The following ADNP2 variants were observed in gnomAD, a reference collection of about 807,000 sequenced individuals.
ADNP2 encodes the protein activity-dependent neuroprotector homeobox protein 2.
A neutral mutation model predicts 16.4 loss-of-function variants in ADNP2; 8 were observed. That is an observed-to-expected ratio of 0.49 (90% CI 0.29 to 0.88). The LOEUF (loss-of-function observed/expected upper bound fraction) is 0.88, where lower values mean the gene tolerates loss of function less well. Ranked by LOEUF, ADNP2 falls within the 40% of genes least tolerant of loss-of-function variation. ADNP2 has a pLI of 0.09. For missense variants in ADNP2, 1,397 were observed against 1,395.1 expected (o/e 1.00, Z -0.02); for synonymous variants, 637 against 545.8 (o/e 1.17, Z -2.33).
Position 80,137,546 on chromosome 18 carries a change from C to T in ADNP2, c.2133C>T (p.His711=), listed in dbSNP as rs771919011. The T allele has an allele frequency of 1.7e-5, 28 of 1,614,130 alleles. No individual in the cohort carries two copies. Among genetic ancestry groups the T allele is most frequent in the Admixed American group, 3.3e-5 (2 of 60,004 alleles). Residue 711 remains histidine (H), a synonymous_variant, in exon 4 of 4, where the codon CAC becomes CAT. Transcript: ENST00000262198. The surrounding 1 kb of genome is among the most constrained non-coding windows in gnomAD (Gnocchi z 4.2). The part of the protein sequence containing the change: ...ELFPSNVYQV[H]MEVAHKHSES... Reference sequence around the variant, plus strand: ...TTCCGTCCAACGTCTACCAGGTCCACATGGAGGTAGCGCATAAGCACAGCG... The same window carrying T: ...TTCCGTCCAACGTCTACCAGGTCCATATGGAGGTAGCGCATAAGCACAGCG...
intron 2 of ADNP2, among the ~76,000 whole-genome samples, chr18:80,131,881 G>A (rs182517868): frequency 6.6e-6 from 1 of 152,158 alleles, no homozygotes; most frequent in East Asian, 1.9e-4. Context: ...GATAGCATTA[G>A]GAGAAATACC....
intron 1 of ADNP2, 134 bp downstream of exon 1, chr18:80,109,606 C>G (rs2052343554): frequency 6.7e-6 from 1 of 149,078 alleles, no homozygotes; most frequent in Non-Finnish European, 1.5e-5. Flanking sequence ...CGCCGCCTGC[C>G]CTCGCGCCGC....
chr18:80,131,799 T>C (rs1481167700), intron 2 of ADNP2, among the ~76,000 whole-genome samples: 1 of 138,750 alleles, frequency 7.2e-6, no homozygotes, highest in African/African-American at 2.8e-5. Context: ...AATTGAACAG[T>C]GAGAACACTT....
chr18:80,128,863 A>G (rs1370453413), intron 2 of ADNP2, among the ~76,000 whole-genome samples: 1 of 152,144 alleles, frequency 6.6e-6, no homozygotes, highest in Non-Finnish European at 1.5e-5. Context: ...AACCGTTTCT[A>G]ATTAGAAAAT....
chr18:80,132,686 T>TCCTCTCCCCTCC (rs1555730147), intron 2 of ADNP2, among the ~76,000 whole-genome samples: 3 of 145,084 alleles, frequency 2.1e-5, no homozygotes, highest in East Asian at 2.0e-4. Context: ...CTCCCCTCTC[T>TCCTCTCCCCTCC]CCTCTCCCCT....
chr18:80,137,616 T>G lies in ADNP2; in HGVS notation c.2203T>G (p.Cys735Gly). ...EKLEPEKLAACAPFLKWMREK... is the reference protein window; with the variant it reads ...EKLEPEKLAAGAPFLKWMREK... The stretch of plus-strand genomic sequence containing the variant: ...ACTTGAGCCTGAAAAACTGGCAGCG[T>G]GTGCACCATTTCTAAAGTGGATGAG... The change falls in exon 4 of 4, where the codon TGT (cysteine) becomes GGT (glycine). Residue 735 changes from cysteine (C) to glycine (G), a missense_variant. Cys to Gly is a radical substitution (Grantham distance 159). Around this residue, in one of 3 missense-constraint regions of ADNP2, gnomAD observed 611 missense variants for 648.7 expected, o/e 0.94. Coordinates refer to ENST00000262198, the MANE Select transcript of ADNP2 (RefSeq NM_014913.4). This position sits in a 1 kb window ranked among gnomAD's most constrained non-coding sequence, Gnocchi z 4.2. The G allele has an allele frequency of 6.2e-7, 1 of 1,614,228 alleles. No homozygotes were observed. The highest frequency in any genetic ancestry group is 8.5e-7 in the Non-Finnish European group (1 of 1,180,044).
Position 80,136,844 on chromosome 18 carries a change from T to A in ADNP2, c.1431T>A (p.Pro477=), listed in dbSNP as rs2052540343. Residue 477 remains proline (P), a synonymous_variant, in exon 4 of 4, where the codon CCT becomes CCA. Transcript: ENST00000262198. The stretch of plus-strand genomic sequence containing the variant: ...AAACAGCAACTTCTGGGGTTCTTCC[T>A]ACTGGCCAGATGGTCCAGTCAGGAG... ...PGQTATSGVL[P]TGQMVQSGVL... 2 of 1,613,928 alleles carry A rather than the reference T, an allele frequency of 1.2e-6. No homozygotes were observed.
intron 2 of ADNP2, among the ~76,000 whole-genome samples, chr18:80,118,449 T>C (rs1469821053): frequency 6.6e-6 from 1 of 152,104 alleles, no homozygotes; most frequent in Non-Finnish European, 1.5e-5. Context: ...AAAAAAGTTC[T>C]TATATATCCT....
At chr18:80,118,489 C>G (rs886338718) in intron 2 of ADNP2, among the ~76,000 whole-genome samples, 3 of 151,756 alleles carry the variant, frequency 2.0e-5, no homozygotes, top group African/African-American at 7.3e-5. Flanking sequence ...ATTTTTGTCT[C>G]GTCTAATCAT....
rs1599824711 is a variant in ADNP2 at position 80,137,258 on chromosome 18, C to T, written c.1845C>T (p.Tyr615=). 1.9e-6 allele frequency: 3 copies of T among 1,614,198 alleles called. No homozygotes were observed. In the East Asian group the frequency reaches 6.7e-5, roughly 36 times the overall value. ...AACAAGTGAATGGGATTCCAACCTA[C>T]ACGCTGGCCCCCGTGTCTGTCACTC... ...TGKQVNGIPT[Y]TLAPVSVTLP... Residue 615 remains tyrosine (Y), a synonymous_variant, in exon 4 of 4, where the codon TAC becomes TAT. Coordinates refer to ENST00000262198, the MANE Select transcript of ADNP2 (RefSeq NM_014913.4). The surrounding 1 kb of genome is among the most constrained non-coding windows in gnomAD (Gnocchi z 4.2).
intron 1 of ADNP2, among the ~76,000 whole-genome samples, chr18:80,112,774 C>G (rs1599801545): frequency 6.6e-6 from 1 of 152,144 alleles, no homozygotes; most frequent in Non-Finnish European, 1.5e-5. Flanking sequence ...AAAAGTCCAC[C>G]AGTCTTTGTA....
intron 2 of ADNP2, among the ~76,000 whole-genome samples, chr18:80,130,347 C>T (rs1300666426): frequency 1.3e-5 from 2 of 152,206 alleles, no homozygotes; most frequent in Non-Finnish European, 2.9e-5. Flanking sequence ...GTCCATATCA[C>T]GCGATTATGG....
At chr18:80,126,993 C>T (rs148924059) in intron 2 of ADNP2, among the ~76,000 whole-genome samples, 7 of 152,330 alleles carry the variant, frequency 4.6e-5, no homozygotes, top group Admixed American at 3.3e-4. Context: ...ATCGTGTCAT[C>T]GCATGCCACC....
intron 2 of ADNP2, among the ~76,000 whole-genome samples, chr18:80,118,516 C>T (rs1196977733): frequency 6.6e-6 from 1 of 152,132 alleles, no homozygotes; most frequent in Admixed American, 6.5e-5. Context: ...CCTTGCTTTC[C>T]CCTTCATTAA....
chr18:80,131,085 C>T (rs909063099), intron 2 of ADNP2, among the ~76,000 whole-genome samples: 5 of 152,164 alleles, frequency 3.3e-5, no homozygotes, highest in Non-Finnish European at 7.3e-5. Context: ...CTTCCTTCTA[C>T]GTTTCCTCCC....
chr18:80,109,940 G>T (rs1410730507), intron 1 of ADNP2: 2 of 152,668 alleles, frequency 1.3e-5, no homozygotes, highest in South Asian at 1.9e-4. Flanking sequence ...CGCCCCGCCC[G>T]CTGGCCCGCC....
chr18:80,138,647 A>T lies in ADNP2; in HGVS notation c.3234A>T (p.Ser1078=). 6.2e-7 allele frequency: 1 copy of T among 1,611,178 alleles called. No homozygotes were observed. Among genetic ancestry groups the T allele is most frequent in the Non-Finnish European group, 8.5e-7 (1 of 1,179,380 alleles). ...PSKKEIELLS[S]LFWVWKIDVA... ...AAAAGGAAATAGAACTGTTGTCCTC[A>T]CTCTTTTGGGTGTGGAAAATTGATG... Residue 1078 remains serine (S), a synonymous_variant, in exon 4 of 4, where the codon TCA becomes TCT. Transcript: ENST00000262198.
In ADNP2 at chr18:80,137,111, A is replaced by C; in HGVS notation, c.1698A>C (p.Gln566His). Residue 566 changes from glutamine to histidine, a missense_variant, in exon 4 of 4, where the codon CAA becomes CAC. By Grantham distance (24) the Gln-to-His change is conservative. Transcript: ENST00000262198. This position sits in a 1 kb window ranked among gnomAD's most constrained non-coding sequence, Gnocchi z 4.2. Reference sequence around the variant, plus strand: ...AGCCAGTGAGGCCTGGGGTCTTGCAACTCAACCAGACTGTGGGCACCAACA... The same window carrying C: ...AGCCAGTGAGGCCTGGGGTCTTGCACCTCAACCAGACTGTGGGCACCAACA... The part of the protein sequence containing the change: ...VGQPVRPGVL[Q>H]LNQTVGTNIL... 1.2e-6 allele frequency: 2 copies of C among 1,614,052 alleles called. No homozygotes were observed. Among genetic ancestry groups the C allele is most frequent in the Non-Finnish European group, 1.7e-6 (2 of 1,180,012 alleles).
At chr18:80,126,749 T>G (rs1483514099) in intron 2 of ADNP2, among the ~76,000 whole-genome samples, 1 of 152,198 alleles carries the variant, frequency 6.6e-6, no homozygotes, top group African/African-American at 2.4e-5. Flanking sequence ...CTCATCAGAT[T>G]TGGAAAATTT....
Sources: allele counts gnomAD v4.1 joint callset (sites outside exome capture counted in the v4.1 genomes callset), GRCh38; gene constraint gnomAD v4.1.1; regional missense constraint gnomAD v4.1.1; non-coding constraint Gnocchi (gnomAD v3.1); transcripts MANE v1.5; gene names NCBI Gene and HGNC (gene_info 2026-07-23, HGNC 2026-07-21).